The following DNAJC10 variants were observed in gnomAD, a reference collection of about 807,000 sequenced individuals.
The protein encoded by DNAJC10 is DnaJ heat shock protein family (Hsp40) member C10, also known as endoplasmic reticulum disulfide reductase DNAJC10.
Under a neutral mutation model 115.0 loss-of-function variants are expected in DNAJC10, and 101 were observed. The observed-to-expected ratio is 0.88, with a 90% CI of 0.75 to 1.04. The LOEUF (loss-of-function observed/expected upper bound fraction) is 1.04, where lower values mean the gene tolerates loss of function less well. DNAJC10 is among the 50% of genes least tolerant of loss of function. The pLI, the probability that DNAJC10 is intolerant of heterozygous loss-of-function variation, is 0.00. For synonymous variants in DNAJC10, 307 were observed against 301.5 expected (o/e 1.02, Z -0.19); for missense variants, 981 against 928.8 (o/e 1.06, Z -0.73).
chr2:182,755,622 C>T (rs1694138708), intron 17 of DNAJC10, among the ~76,000 whole-genome samples: 1 of 152,168 alleles, frequency 6.6e-6, no homozygotes, highest in South Asian at 2.1e-4. Context: ...CTAGCCTCTT[C>T]ATCAGTATTA....
At chr2:182,758,362 T>C (rs771888232) in intron 19 of DNAJC10, among the ~76,000 whole-genome samples, 2 of 152,138 alleles carry the variant, frequency 1.3e-5, no homozygotes, top group Non-Finnish European at 2.9e-5. Flanking sequence ...AAAACTCAAA[T>C]GTAAGGTACA....
chr2:182,767,701 C>G (rs987122915), intron 22 of DNAJC10, among the ~76,000 whole-genome samples: 8 of 152,068 alleles, frequency 5.3e-5, no homozygotes, highest in South Asian at 2.1e-4. Flanking sequence ...CTAAGAGAGT[C>G]CACCCCAGCA....
At chr2:182,776,402 G>A (rs992095891) in intron 23 of DNAJC10, among the ~76,000 whole-genome samples, 13 of 152,114 alleles carry the variant, frequency 8.5e-5, no homozygotes, top group East Asian at 3.9e-4. Flanking sequence ...TTTTCAAATC[G>A]GTGTTACTGT....
chr2:182,772,429 A>T (rs1694590322), intron 22 of DNAJC10, among the ~76,000 whole-genome samples: 1 of 152,104 alleles, frequency 6.6e-6, no homozygotes, highest in Non-Finnish European at 1.5e-5. Flanking sequence ...AAAGTCTCCC[A>T]TTATTATTGT....
chr2:182,727,696 T>C (rs1260890005), intron 5 of DNAJC10, among the ~76,000 whole-genome samples: 1 of 152,232 alleles, frequency 6.6e-6, no homozygotes. Context: ...GAATACCATG[T>C]GTGATTTAAT....
intron 11 of DNAJC10, among the ~76,000 whole-genome samples, chr2:182,738,582 C>G (rs1693645290): frequency 6.6e-6 from 1 of 151,786 alleles, no homozygotes; most frequent in African/African-American, 2.4e-5. Flanking sequence ...GTTCTGTCGC[C>G]CAGGCTGGAG....
chr2:182,723,977 G>A (rs1051027300), intron 5 of DNAJC10, among the ~76,000 whole-genome samples: 1 of 152,124 alleles, frequency 6.6e-6, no homozygotes, highest in African/African-American at 2.4e-5. Context: ...GCTTTCCCAG[G>A]CATTTTTCTG....
chr2:182,750,605 C>T (rs1693990561), intron 14 of DNAJC10, among the ~76,000 whole-genome samples: 1 of 151,986 alleles, frequency 6.6e-6, no homozygotes, highest in Non-Finnish European at 1.5e-5. Flanking sequence ...AGAGAGTGTA[C>T]TTAAAAAAAA....
chr2:182,735,637 G>A lies in DNAJC10; in HGVS notation c.850-612G>A, dbSNP rs147745460. ...CTATCTCATTCTCCCTTATCTTTCCGAGATCCCAGTTGAATGTATGTTAGA... is the reference window on the plus strand; with the variant it reads ...CTATCTCATTCTCCCTTATCTTTCCAAGATCCCAGTTGAATGTATGTTAGA... On this transcript the variant is annotated intron_variant, in intron 10 of 23. Transcript: ENST00000264065. Among the ~76,000 whole-genome samples the A allele has an allele frequency of 3.0e-4, 46 of 151,970 alleles. No homozygotes were observed. The East Asian group carries it at 8.3e-3, about 27-fold the overall frequency.
In DNAJC10 at chr2:182,789,999, A is replaced by G. The variant is rs970959936; in HGVS notation, c.*12867A>G. The G allele has an allele frequency of 3.3e-5, 5 of 152,256 alleles. No individual in the cohort carries two copies. The East Asian group carries it at 9.6e-4, about 29-fold the overall frequency. 9.4% of individuals were successfully genotyped at this position (152,256 alleles called of 1,614,324 possible). A position where few individuals can be genotyped will look rare whatever the true frequency, so the allele number is the denominator to read the frequency against. ...ATACCATGCTTTGTATTACTTTCCC[A>G]TTTGGATGCCCTTTTCATCCTTCAC... On this transcript the variant is annotated 3_prime_UTR_variant, in exon 24 of 24. Coordinates refer to ENST00000264065, the MANE Select transcript of DNAJC10 (RefSeq NM_018981.4).
In DNAJC10 at chr2:182,794,252, T is replaced by C. The variant is rs1695103718; in HGVS notation, c.*17120T>C. ...AGAATGAGGCAATAAGTCAGATGCG[T>C]ATTTGCGGACCTCAGAAAAATTTGA... On this transcript the variant is annotated 3_prime_UTR_variant, in exon 24 of 24. Transcript: ENST00000264065. 6.6e-6 allele frequency: 1 copy of C among 152,160 alleles called. No homozygotes were observed. Among genetic ancestry groups the C allele is most frequent in the Non-Finnish European group, 1.5e-5 (1 of 68,022 alleles). 9.4% of individuals were successfully genotyped at this position (152,160 alleles called of 1,614,324 possible).
intron 9 of DNAJC10, among the ~76,000 whole-genome samples, chr2:182,731,777 A>T (rs1559001877): frequency 6.6e-6 from 1 of 152,176 alleles, no homozygotes; most frequent in Non-Finnish European, 1.5e-5. Context: ...TTGTAACTAA[A>T]ATCAACCCAT....
intron 5 of DNAJC10, among the ~76,000 whole-genome samples, chr2:182,723,826 T>C (rs1693216186): frequency 6.6e-6 from 1 of 152,214 alleles, no homozygotes; most frequent in Admixed American, 6.5e-5. Context: ...GAACTGTTAA[T>C]AGTTCATATA....
In DNAJC10 at chr2:182,752,074, G is replaced by T. The variant is rs1694035567; in HGVS notation, c.1437G>T (p.Trp479Cys). 5 of 1,609,270 alleles carry T rather than the reference G, an allele frequency of 3.1e-6. No homozygotes were observed. Among genetic ancestry groups the T allele is most frequent in the Non-Finnish European group, 4.2e-6 (5 of 1,177,130 alleles). The change falls in exon 16 of 24, where the codon TGG (tryptophan) becomes TGT (cysteine). Residue 479 changes from tryptophan to cysteine, a missense_variant and splice_region_variant. Coordinates refer to ENST00000264065, the MANE Select transcript of DNAJC10 (RefSeq NM_018981.4). ...TATGAATATTTTTTCTTTCCTAGTG[G>T]TGTCCACCATGTCGAGCTTTACTAC... ...EPWLVDFFAP[W>C]CPPCRALLPE...
chr2:182,772,380 C>T (rs972739261), intron 22 of DNAJC10, among the ~76,000 whole-genome samples: 6 of 152,100 alleles, frequency 3.9e-5, no homozygotes, highest in Non-Finnish European at 8.8e-5. Flanking sequence ...TCCTTCTTAA[C>T]CTTGTGTCTC....
chr2:182,762,583 AAATT>A, intron 21 of DNAJC10, 95 bp from the exon 22 acceptor site: 1 of 1,268,374 alleles, frequency 7.9e-7, no homozygotes, highest in Non-Finnish European at 1.1e-6. Context: ...TTTTTTAAAT[AAATT>A]CTTAGATTCA....
chr2:182,729,002 A>G lies in DNAJC10; in HGVS notation c.633+8A>G. On this transcript the variant is annotated splice_region_variant and intron_variant, in intron 7 of 23. Coordinates refer to ENST00000264065, the MANE Select transcript of DNAJC10 (RefSeq NM_018981.4). ...ATTTTTCGGTCTGGAATGGTAAGGG[A>G]TAAAGTTAGCATTTTTTAAATTTGT... 1.2e-6 allele frequency: 2 copies of G among 1,613,140 alleles called. No individual in the cohort carries two copies. Among genetic ancestry groups the G allele is most frequent in the Non-Finnish European group, 1.7e-6 (2 of 1,179,516 alleles).
intron 5 of DNAJC10, among the ~76,000 whole-genome samples, chr2:182,727,001 A>G (rs1273876293): frequency 6.6e-6 from 1 of 151,450 alleles, no homozygotes. Context: ...GATGACAAGC[A>G]TGAGCCACTG....
At chr2:182,746,084 T>C (rs562837828) in intron 14 of DNAJC10, among the ~76,000 whole-genome samples, 94 of 152,360 alleles carry the variant, frequency 6.2e-4, no homozygotes, top group African/African-American at 2.2e-3. Flanking sequence ...TTTTTATGGC[T>C]GCATAGTATT....
Sources: allele counts gnomAD v4.1 joint callset (sites outside exome capture counted in the v4.1 genomes callset), GRCh38; gene constraint gnomAD v4.1.1; transcripts MANE v1.5; gene names NCBI Gene and HGNC (gene_info 2026-07-23, HGNC 2026-07-21).